The following SCLT1 variants were observed in gnomAD, a reference collection of about 807,000 sequenced individuals.
SCLT1 encodes the protein sodium channel and clathrin linker 1.
In SCLT1, 78 loss-of-function variants were observed where a neutral mutation model predicts 112.8. The ratio of observed to expected loss-of-function variants is 0.69; its 90% confidence interval spans 0.58 to 0.83. SCLT1 has a LOEUF of 0.83. Among genes scored for constraint, SCLT1 ranks in the 40% least tolerant of loss-of-function variants. The pLI, the probability that SCLT1 is intolerant of heterozygous loss-of-function variation, is 0.00. For synonymous variants in SCLT1, 257 were observed against 254.7 expected, an observed-to-expected ratio of 1.01 and a Z score of -0.09; for missense variants, 747 against 770.4, an observed-to-expected ratio of 0.97 and a Z score of 0.36.
chr4:128,943,183 G>A lies in SCLT1; in HGVS notation c.1445C>T (p.Ser482Leu), dbSNP rs757265016. Residue 482 changes from serine to leucine, a missense_variant, in exon 17 of 21, where the codon TCA becomes TTA. Transcript: ENST00000281142. ...NRIKQLETDSSEEISRYQEMI... is the reference protein window; with the variant it reads ...NRIKQLETDSLEEISRYQEMI... ...TTCTTGGTAACGTGATATTTCTTCTGAGGAGCTGATTAAAAAACGAAATGA... is the reference window on the plus strand; with the variant it reads ...TTCTTGGTAACGTGATATTTCTTCTAAGGAGCTGATTAAAAAACGAAATGA... The A allele has an allele frequency of 2.9e-5, 46 of 1,599,722 alleles. No homozygotes were observed. Among genetic ancestry groups the A allele is most frequent in the Non-Finnish European group, 3.7e-5 (43 of 1,174,032 alleles).
At chr4:128,934,688 T>C (rs1737044377) in intron 18 of SCLT1, among the ~76,000 whole-genome samples, 1 of 152,006 alleles carries the variant, frequency 6.6e-6, no homozygotes, top group Non-Finnish European at 1.5e-5. Context: ...ACGGTTTTTC[T>C]ATATTCACTT....
chr4:128,965,257 A>C lies in SCLT1; in HGVS notation c.839T>G (p.Leu280Ter). Reference protein sequence around the residue: ...EEASDRRLQQLQSSIKQLEIR... With the variant: ...EEASDRRLQQ ...TTCTAATTGTTTTATACTAGACTGT[A>C]ACTGCTGTAAACGCCTATCTGATGC... is the stretch of plus-strand genomic sequence containing the variant. The change falls in exon 11 of 21, where the codon TTA becomes TGA. Residue 280 changes from leucine (L) to a stop codon, truncating the protein, a stop_gained. Coordinates refer to ENST00000281142, the MANE Select transcript of SCLT1 (RefSeq NM_144643.4). LOFTEE classifies it high-confidence loss of function. 1 of 1,604,980 alleles carries C rather than the reference A, an allele frequency of 6.2e-7. No homozygotes were observed. The highest frequency in any genetic ancestry group is 8.5e-7 in the Non-Finnish European group (1 of 1,171,908).
At chr4:129,077,512 A>AAGATAAGTGGGTAG in intron 2 of SCLT1, among the ~76,000 whole-genome samples, 1 of 152,284 alleles carries the variant, frequency 6.6e-6, no homozygotes, top group African/African-American at 2.4e-5. Flanking sequence ...ATCATGTTGG[A>AAGATAAGTGGGTAG]AGATAAGTGG....
At chr4:129,001,801 T>G (rs1382861473) in intron 6 of SCLT1, among the ~76,000 whole-genome samples, 3 of 152,048 alleles carry the variant, frequency 2.0e-5, no homozygotes, top group Non-Finnish European at 4.4e-5. Flanking sequence ...TAATTCTTAT[T>G]TGTGAGTCTT....
At chr4:129,012,917 T>C (rs577846381) in intron 5 of SCLT1, among the ~76,000 whole-genome samples, 33 of 152,290 alleles carry the variant, frequency 2.2e-4, no homozygotes, top group African/African-American at 7.9e-4. Flanking sequence ...GCATGTGAGA[T>C]AGGACTCTTA....
At chr4:128,936,084 C>G (rs1337615859) in intron 18 of SCLT1, among the ~76,000 whole-genome samples, 1 of 151,276 alleles carries the variant, frequency 6.6e-6, no homozygotes, top group Non-Finnish European at 1.5e-5. Flanking sequence ...TTCTTTCTCC[C>G]TTCTCTTACC....
At chr4:128,971,451 G>A (rs1291734669) in intron 9 of SCLT1, 2 of 152,012 alleles carry the variant, frequency 1.3e-5, no homozygotes, top group Non-Finnish European at 2.9e-5. Context: ...ATCTCAGGTA[G>A]TTATTAGTGC....
chr4:129,067,239 G>GA (rs893128216), intron 2 of SCLT1, among the ~76,000 whole-genome samples: 24 of 142,156 alleles, frequency 1.7e-4, no homozygotes, highest in African/African-American at 4.2e-4. Flanking sequence ...CTAAACATGA[G>GA]AAAAAAAAAA....
intron 5 of SCLT1, among the ~76,000 whole-genome samples, chr4:129,005,184 T>G (rs1159172247): frequency 6.6e-6 from 1 of 152,180 alleles, no homozygotes; most frequent in African/African-American, 2.4e-5. Flanking sequence ...TCTCTCACAT[T>G]CTAAAAAGTT....
chr4:128,918,057 C>G (rs1263540928), intron 18 of SCLT1, among the ~76,000 whole-genome samples: 1 of 152,140 alleles, frequency 6.6e-6, no homozygotes, highest in Non-Finnish European at 1.5e-5. Flanking sequence ...ATTAACAAAG[C>G]CCAGAAACCC....
Position 128,928,305 on chromosome 4 carries a change from T to C in SCLT1, c.1829+8350A>G, listed in dbSNP as rs1337830156. 7.3e-5 allele frequency among the ~76,000 whole-genome samples: 11 copies of C among 151,134 alleles called. No individual in the cohort carries two copies. In the East Asian group the frequency reaches 1.8e-3, roughly 24 times the overall value. ...TAACATAACTGATATAACTTGAGAG[T>C]TCAAGAAAGGATTTCAGTCAATCTC... is the stretch of plus-strand genomic sequence containing the variant. On this transcript the variant is annotated intron_variant, in intron 18 of 20. Transcript: ENST00000281142.
chr4:128,959,434 T>C (rs893703897), intron 12 of SCLT1, among the ~76,000 whole-genome samples, 166 bp downstream of exon 12: 6 of 152,156 alleles, frequency 3.9e-5, no homozygotes, highest in African/African-American at 1.4e-4. Context: ...TATCATATGA[T>C]GATATCTGGT....
intron 5 of SCLT1, among the ~76,000 whole-genome samples, chr4:129,021,160 C>T (rs1745437718): frequency 6.6e-6 from 1 of 152,174 alleles, no homozygotes; most frequent in African/African-American, 2.4e-5. Context: ...AGTCAGGGAA[C>T]TCCCTCCCAC....
At chr4:128,981,290 T>A (rs985425324) in intron 9 of SCLT1, among the ~76,000 whole-genome samples, 1 of 152,180 alleles carries the variant, frequency 6.6e-6, no homozygotes, top group Non-Finnish European at 1.5e-5. Context: ...GTTTATAGTT[T>A]AAATAGCCCT....
At chr4:129,031,945 A>G (rs1279831972) in intron 5 of SCLT1, among the ~76,000 whole-genome samples, 2 of 152,184 alleles carry the variant, frequency 1.3e-5, no homozygotes, top group Non-Finnish European at 2.9e-5. Context: ...AGAATTAGAA[A>G]AAACACTTTA....
intron 9 of SCLT1, among the ~76,000 whole-genome samples, chr4:128,982,895 T>C (rs2597837): frequency 0.53 from 80,722 of 151,956 alleles, 24,528 homozygotes; most frequent in South Asian, 0.68. Flanking sequence ...GTCTTTTTTG[T>C]TTGTTTGTTT....
chr4:128,962,275 A>T (rs1162634956), intron 11 of SCLT1, among the ~76,000 whole-genome samples: 1 of 152,252 alleles, frequency 6.6e-6, no homozygotes, highest in African/African-American at 2.4e-5. Context: ...ATTGATCAAG[A>T]TGCTTACATT....
chr4:129,027,405 A>T (rs1200142255), intron 5 of SCLT1, among the ~76,000 whole-genome samples: 1 of 152,224 alleles, frequency 6.6e-6, no homozygotes, highest in Non-Finnish European at 1.5e-5. Flanking sequence ...ATATACGCAA[A>T]TCAATAACAA....
chr4:128,979,385 G>A (rs1199491631), intron 9 of SCLT1, among the ~76,000 whole-genome samples: 1 of 152,126 alleles, frequency 6.6e-6, no homozygotes, highest in Non-Finnish European at 1.5e-5. Context: ...TGGGATTAGT[G>A]CCCTCATAAG....
Sources: gnomAD v4.1 joint callset for allele counts (sites outside exome capture counted in the v4.1 genomes callset) on GRCh38, gnomAD v4.1.1 for gene constraint, MANE v1.5 for transcripts, NCBI Gene and HGNC (gene_info 2026-07-23, HGNC 2026-07-21) for gene names.